PLAC1: variants seen among roughly 807,000 people sequenced by gnomAD.
PLAC1 encodes the protein placenta-specific protein 1.
For synonymous variants in PLAC1, 68 were observed against 62.1 expected (o/e 1.09, Z -0.44); for missense variants, 136 against 163.2 (o/e 0.83, Z 0.91).
chrX:134,648,694 A>C (rs768587986), intron 1 of PLAC1, among the ~76,000 whole-genome samples: 2 of 111,262 alleles, frequency 1.8e-5, no homozygotes, highest in Admixed American at 1.9e-4. Context: ...TAAAAAAAAA[A>C]GGTTAAAAAA....
In PLAC1 at chrX:134,565,974, T is replaced by C. The variant is rs1333247699; in HGVS notation, c.*70A>G. 5.2e-6 allele frequency: 5 copies of C among 964,943 alleles called. No individual in the cohort carries two copies. The highest frequency in any genetic ancestry group is 7.2e-6 in the Non-Finnish European group (5 of 696,130). 79.5% of individuals were successfully genotyped at this position (964,943 alleles called of 1,213,427 possible). On this transcript the variant is annotated 3_prime_UTR_variant, in exon 3 of 3. Coordinates refer to ENST00000359237, the MANE Select transcript of PLAC1 (RefSeq NM_021796.4). ...CACATGAGGGTCACAAGAGCACTTA[T>C]TTGTCAGACATTTGTACACTATATA...
At chrX:134,703,075 A>T (rs951866297) in intron 2 of PLAC1, among the ~76,000 whole-genome samples, 2 of 112,095 alleles carry the variant, frequency 1.8e-5, no homozygotes, top group South Asian at 7.3e-4. Flanking sequence ...AATAACAACG[A>T]TGGGAAGGCT....
At chrX:134,707,146 T>C (rs1263752032) in intron 2 of PLAC1, among the ~76,000 whole-genome samples, 1 of 111,595 alleles carries the variant, frequency 9.0e-6, no homozygotes, top group Non-Finnish European at 1.9e-5. Context: ...TCAAAATCTG[T>C]GGAGGTTACA....
intron 1 of PLAC1, among the ~76,000 whole-genome samples, chrX:134,637,227 A>G (rs2078287601): frequency 9.0e-6 from 1 of 111,497 alleles, no homozygotes; most frequent in African/African-American, 3.3e-5. Flanking sequence ...GGGTGTGTGT[A>G]GCCATAGGGG....
At chrX:134,738,654 A>T (rs2078709765) in intron 1 of PLAC1, among the ~76,000 whole-genome samples, 1 of 112,365 alleles carries the variant, frequency 8.9e-6, no homozygotes, top group Middle Eastern at 4.6e-3. Flanking sequence ...GAAAAGTCCC[A>T]CCCCAATGTC....
chrX:134,575,307 G>GAAA (rs2077931846), intron 2 of PLAC1, among the ~76,000 whole-genome samples: 1 of 110,753 alleles, frequency 9.0e-6, no homozygotes, highest in East Asian at 2.8e-4. Context: ...TTTGACTTTG[G>GAAA]GTGTGATAGC....
intron 2 of PLAC1, among the ~76,000 whole-genome samples, chrX:134,731,583 G>A (rs1441446417): frequency 2.7e-5 from 3 of 112,074 alleles, no homozygotes; most frequent in African/African-American, 9.7e-5. Context: ...CTTCATGAAT[G>A]CTATCTAGCA....
intron 2 of PLAC1, among the ~76,000 whole-genome samples, chrX:134,575,364 A>G (rs1362004358): frequency 9.1e-6 from 1 of 110,439 alleles, no homozygotes; most frequent in Non-Finnish European, 1.9e-5. Flanking sequence ...TTTAAAAACT[A>G]GCTGGATGTG....
chrX:134,645,647 C>T (rs766797818), intron 1 of PLAC1, among the ~76,000 whole-genome samples: 1 of 112,079 alleles, frequency 8.9e-6, no homozygotes, highest in Admixed American at 9.5e-5. Flanking sequence ...CTGTCTCTTC[C>T]TCCCTGCAAG....
intron 1 of PLAC1, among the ~76,000 whole-genome samples, chrX:134,627,006 C>T (rs966497513): frequency 1.0e-4 from 11 of 110,310 alleles, no homozygotes; most frequent in South Asian, 4.0e-4. Flanking sequence ...CACACCACTG[C>T]ACTCCAGCTT....
intron 2 of PLAC1, among the ~76,000 whole-genome samples, chrX:134,575,284 T>C: frequency 9.0e-6 from 1 of 111,334 alleles, no homozygotes; most frequent in Non-Finnish European, 1.9e-5. Flanking sequence ...CTGGACTTTC[T>C]ATATAACGAA....
chrX:134,620,673 G>C (rs185427157), intron 1 of PLAC1, among the ~76,000 whole-genome samples: 1 of 111,772 alleles, frequency 8.9e-6, no homozygotes, highest in Non-Finnish European at 1.9e-5. Context: ...TCCTTACCCT[G>C]CCTATCTCAC....
intron 1 of PLAC1, among the ~76,000 whole-genome samples, chrX:134,628,933 T>C (rs926200092): frequency 2.7e-5 from 3 of 112,049 alleles, no homozygotes; most frequent in South Asian, 3.8e-4. Flanking sequence ...CCTCTCGTTA[T>C]ATCCACCCCC....
intron 1 of PLAC1, among the ~76,000 whole-genome samples, chrX:134,744,013 G>T (rs2078723268): frequency 8.9e-6 from 1 of 112,258 alleles, no homozygotes; most frequent in Admixed American, 9.4e-5. Context: ...GCCGGGCGCG[G>T]TGGCTCACGC....
At chrX:134,704,641 T>A (rs2078595762) in intron 2 of PLAC1, among the ~76,000 whole-genome samples, 1 of 105,736 alleles carries the variant, frequency 9.5e-6, no homozygotes, top group Admixed American at 1.1e-4. Context: ...TATATTTATA[T>A]ATTATATAAT....
At chrX:134,568,010 C>G (rs1289226259) in intron 2 of PLAC1, among the ~76,000 whole-genome samples, 7 of 111,395 alleles carry the variant, frequency 6.3e-5, no homozygotes, top group Non-Finnish European at 1.3e-4. Flanking sequence ...GACAGGCAGA[C>G]CAGTGAGGAG....
At chrX:134,619,819 G>T (rs911266426) in intron 1 of PLAC1, among the ~76,000 whole-genome samples, 1 of 111,693 alleles carries the variant, frequency 9.0e-6, no homozygotes, top group African/African-American at 3.3e-5. Context: ...GCCTGCATGA[G>T]GTACACTTAC....
intron 1 of PLAC1, among the ~76,000 whole-genome samples, chrX:134,749,410 C>T (rs939012552): frequency 1.8e-5 from 2 of 111,534 alleles, no homozygotes; most frequent in Non-Finnish European, 3.8e-5. Flanking sequence ...TGGGAGGATC[C>T]CTTGAACCTG....
At chrX:134,734,756 C>G (rs1004093843) in intron 1 of PLAC1, among the ~76,000 whole-genome samples, 1 of 111,203 alleles carries the variant, frequency 9.0e-6, no homozygotes, top group Admixed American at 9.6e-5. Context: ...GGGTGGGGAA[C>G]CTCTGGCCCA....
Sources: gnomAD v4.1 joint callset for allele counts (sites outside exome capture counted in the v4.1 genomes callset) on GRCh38, gnomAD v4.1.1 for gene constraint, MANE v1.5 for transcripts, NCBI Gene and HGNC (gene_info 2026-07-23, HGNC 2026-07-21) for gene names.